The following PKHD1 variants were observed in gnomAD, a reference collection of about 807,000 sequenced individuals.
PKHD1 encodes PKHD1 ciliary IPT domain containing fibrocystin/polyductin.
In PKHD1, 291 loss-of-function variants were observed where a neutral mutation model predicts 412.0. The ratio of observed to expected loss-of-function variants is 0.71; its 90% CI spans 0.64 to 0.78. The LOEUF (loss-of-function observed/expected upper bound fraction) is 0.78, where lower values mean the gene tolerates loss of function less well. Among genes scored for constraint, PKHD1 ranks in the 30% least tolerant of loss-of-function variants. PKHD1 has a pLI of 0.00. For missense variants in PKHD1, 4,825 were observed against 4,950.7 expected (o/e 0.97, Z 0.76); for synonymous variants, 1,777 against 1,821.5 (o/e 0.98, Z 0.62).
intron 52 of PKHD1, among the ~76,000 whole-genome samples, chr6:51,820,968 T>C (rs1321232910): frequency 2.0e-5 from 3 of 152,114 alleles, no homozygotes; most frequent in Non-Finnish European, 2.9e-5. Context: ...AAAAAAGTAA[T>C]TCAATGAGAA....
At chr6:51,673,537 C>G (rs948460406) in intron 60 of PKHD1, among the ~76,000 whole-genome samples, 6 of 152,144 alleles carry the variant, frequency 3.9e-5, no homozygotes, top group African/African-American at 7.2e-5. Context: ...ATTTTCTTAG[C>G]AGTCAAGGTT....
chr6:51,769,290 T>C (rs867088575), intron 55 of PKHD1, among the ~76,000 whole-genome samples: 20 of 151,668 alleles, frequency 1.3e-4, no homozygotes, highest in South Asian at 2.1e-4. Flanking sequence ...GCCAAATGTA[T>C]TTTTGGAGAT....
In PKHD1 at chr6:52,066,272, C is replaced by G. The variant is rs73739128; in HGVS notation, c.779-195G>C. On this transcript the variant is annotated intron_variant, in intron 11 of 66. Transcript: ENST00000371117. ...GAAAAAGACCAGAAGTATATATTAT[C>G]GAGGATCAATATTTGAAAGGAAGGG... Among the ~76,000 whole-genome samples, 1,700 of 151,992 alleles carry G rather than the reference C, an allele frequency of 0.011. 34 individuals carry two copies. The highest frequency in any genetic ancestry group is 0.038 in the African/African-American group (1,593 of 41,444).
At chr6:51,981,309 AGC>A (rs1795133980) in intron 35 of PKHD1, among the ~76,000 whole-genome samples, 2 of 11,568 alleles carry the variant, frequency 1.7e-4, no homozygotes, top group African/African-American at 3.1e-4. Flanking sequence ...CCAAAGCTCA[AGC>A]TCTCCCTCTC....
intron 27 of PKHD1, among the ~76,000 whole-genome samples, 154 bp from the exon 28 acceptor site, chr6:52,035,875 A>C (rs1803869182): frequency 1.3e-5 from 2 of 152,208 alleles, no homozygotes; most frequent in South Asian, 4.1e-4. Flanking sequence ...ACTGGAGTTA[A>C]ATATATAAAC....
At chr6:51,834,402 T>A (rs549282817) in intron 51 of PKHD1, among the ~76,000 whole-genome samples, 3 of 152,214 alleles carry the variant, frequency 2.0e-5, no homozygotes, top group East Asian at 3.9e-4. Context: ...TATATGACCA[T>A]GGACAATATG....
chr6:51,891,419 A>G (rs911938091), intron 43 of PKHD1, among the ~76,000 whole-genome samples: 20 of 151,984 alleles, frequency 1.3e-4, no homozygotes, highest in African/African-American at 4.8e-4. Context: ...AGCTGGGATT[A>G]CAGGCATGCA....
chr6:51,646,581 C>T (rs1027735069), intron 63 of PKHD1, among the ~76,000 whole-genome samples: 4 of 152,100 alleles, frequency 2.6e-5, no homozygotes, highest in African/African-American at 9.7e-5. Context: ...TTAATTTGGC[C>T]CAGCAACCAG....
rs534708807 is a variant in PKHD1 at position 51,620,787 on chromosome 6, C to CATATAT, written c.11786-1273_11786-1268dup. Reference sequence around the variant, plus strand: ...AGAGAAAGTAATAACATTATATATACATATATATATATGTATATATATATA... The same window carrying CATATAT: ...AGAGAAAGTAATAACATTATATATACATATATATATATATATATGTATATATATATA... On this transcript the variant is annotated intron_variant, in intron 66 of 66. Transcript: ENST00000371117. Among the ~76,000 whole-genome samples the CATATAT allele has an allele frequency of 9.9e-3, 1,458 of 146,810 alleles. 26 individuals carry two copies. Among genetic ancestry groups the CATATAT allele is most frequent in the African/African-American group, 0.034 (1,375 of 40,284 alleles).
chr6:51,956,523 C>A (rs1791170909), intron 36 of PKHD1, among the ~76,000 whole-genome samples: 1 of 152,020 alleles, frequency 6.6e-6, no homozygotes, highest in South Asian at 2.1e-4. Context: ...CCTGAAGAGA[C>A]AACAGTAAAT....
chr6:51,868,235 GAA>G (rs1221375545), intron 47 of PKHD1, 126 bp from the exon 48 acceptor site: 17 of 890,062 alleles, frequency 1.9e-5, no homozygotes, highest in Non-Finnish European at 2.7e-5. Flanking sequence ...ATTCATGCAA[GAA>G]AAAAAGTGTT....
At chr6:51,872,899 T>TC (rs1554283599) in intron 46 of PKHD1, among the ~76,000 whole-genome samples, 2,349 of 91,212 alleles carry the variant, frequency 0.026, 96 homozygotes, top group East Asian at 0.11. Flanking sequence ...TTTTTTTTTT[T>TC]CAGAAAGTTA....
chr6:51,821,194 T>C lies in PKHD1; in HGVS notation c.8302+9667A>G, dbSNP rs547367908. 2.6e-5 allele frequency among the ~76,000 whole-genome samples: 4 copies of C among 152,358 alleles called. No individual in the cohort carries two copies. The Middle Eastern group carries it at 0.01, about 389-fold the overall frequency. ...AATAAAACTAGGTAAAATATGTTTA[T>C]GCATTTTAATCAGGGGAAATTTTTA... On this transcript the variant is annotated intron_variant, in intron 52 of 66. Transcript: ENST00000371117.
chr6:51,637,041 T>A (rs2244610), intron 64 of PKHD1, among the ~76,000 whole-genome samples: 2,233 of 152,314 alleles, frequency 0.015, 47 homozygotes, highest in African/African-American at 0.05. Context: ...GTCTACTAAG[T>A]GTGAACACCA....
chr6:51,639,698 G>A (rs1378154407), intron 63 of PKHD1, among the ~76,000 whole-genome samples: 2 of 151,974 alleles, frequency 1.3e-5, no homozygotes, highest in African/African-American at 4.8e-5. Flanking sequence ...ACCATTAATC[G>A]TCTTTTGACT....
chr6:51,979,905 T>C (rs946109149), intron 35 of PKHD1, among the ~76,000 whole-genome samples: 8 of 152,224 alleles, frequency 5.3e-5, no homozygotes, highest in Admixed American at 2.6e-4. Flanking sequence ...CTCTCCAGAA[T>C]GATCTTCTTG....
intron 11 of PKHD1, among the ~76,000 whole-genome samples, chr6:52,068,177 T>C (rs1343460329): frequency 6.6e-6 from 1 of 152,224 alleles, no homozygotes; most frequent in Non-Finnish European, 1.5e-5. Context: ...GTTTTAGAGA[T>C]GCTTAATTAA....
intron 60 of PKHD1, among the ~76,000 whole-genome samples, chr6:51,730,718 T>C (rs1288978939): frequency 6.6e-6 from 1 of 152,216 alleles, no homozygotes; most frequent in Non-Finnish European, 1.5e-5. Context: ...TAGTACTTAT[T>C]TATGAGCTGG....
chr6:51,896,092 G>C (rs1779907326), intron 43 of PKHD1, among the ~76,000 whole-genome samples: 1 of 152,170 alleles, frequency 6.6e-6, no homozygotes, highest in African/African-American at 2.4e-5. Context: ...GGCTGGAGGA[G>C]GGGCGCCCAC....
Sources: gnomAD v4.1 joint callset for allele counts (sites outside exome capture counted in the v4.1 genomes callset) on GRCh38, gnomAD v4.1.1 for gene constraint, MANE v1.5 for transcripts, NCBI Gene and HGNC (gene_info 2026-07-23, HGNC 2026-07-21) for gene names.